MDGA2: variants seen among roughly 807,000 people sequenced by gnomAD.
MDGA2 encodes MAM domain containing glycosylphosphatidylinositol anchor 2, also known as MAM domain-containing glycosylphosphatidylinositol anchor protein 2.
A neutral mutation model predicts 117.8 loss-of-function variants in MDGA2; 40 were observed. That is an observed-to-expected ratio of 0.34 (90% CI 0.26 to 0.44). The LOEUF (loss-of-function observed/expected upper bound fraction) is 0.44. Among genes scored for constraint, MDGA2 ranks in the 20% least tolerant of loss-of-function variants. MDGA2 has a pLI of 1.00. For missense variants in MDGA2, 1,123 were observed against 1,250.6 expected, an observed-to-expected ratio of 0.90 and a Z score of 1.54; for synonymous variants, 452 against 439.0, an observed-to-expected ratio of 1.03 and a Z score of -0.37.
chr14:47,485,925 G>T (rs2138643596), intron 1 of MDGA2, among the ~76,000 whole-genome samples: 1 of 152,312 alleles, frequency 6.6e-6, no homozygotes, highest in Admixed American at 6.5e-5. Flanking sequence ...GGCAGGGAGG[G>T]CTCTCATGGA....
chr14:47,117,289 G>A (rs1455831723), intron 5 of MDGA2, among the ~76,000 whole-genome samples: 2 of 152,156 alleles, frequency 1.3e-5, no homozygotes, highest in Non-Finnish European at 2.9e-5. Flanking sequence ...GAAACTGGAA[G>A]CTTCGTGCAA....
At chr14:47,522,318 T>A (rs926154458) in intron 1 of MDGA2, among the ~76,000 whole-genome samples, 2 of 147,346 alleles carry the variant, frequency 1.4e-5, no homozygotes, top group African/African-American at 5.0e-5. Flanking sequence ...TATATATATG[T>A]ATATATTTGT....
chr14:46,877,217 G>A lies in MDGA2; in HGVS notation c.2437+272C>T, dbSNP rs193147727. 2.2e-3 allele frequency among the ~76,000 whole-genome samples: 339 copies of A among 151,618 alleles called. 1 individual carries two copies. Among genetic ancestry groups the A allele is most frequent in the African/African-American group, 7.8e-3 (323 of 41,482 alleles). On this transcript the variant is annotated intron_variant, in intron 12 of 16. Transcript: ENST00000399232. ...AGAAAAAAATAATCCCACAGCTGCA[G>A]AAATAGCAAATATTAAGCAGGTTGG... is the stretch of plus-strand genomic sequence containing the variant.
intron 1 of MDGA2, among the ~76,000 whole-genome samples, chr14:47,332,800 G>GC (rs1371665473): frequency 1.3e-5 from 2 of 151,488 alleles, no homozygotes; most frequent in African/African-American, 2.4e-5. Flanking sequence ...CTCAGCCCTC[G>GC]CCCCCTCCCA....
chr14:46,895,515 C>CAGGAGTTCAAGACGAG (rs1883040455), intron 10 of MDGA2, among the ~76,000 whole-genome samples: 1 of 152,096 alleles, frequency 6.6e-6, no homozygotes, highest in Non-Finnish European at 1.5e-5. Flanking sequence ...CACCTGAGGT[C>CAGGAGTTCAAGACGAG]AGGAGTTCAA....
intron 16 of MDGA2, 57 bp from the exon 17 acceptor site, chr14:46,842,076 T>A (rs988382188): frequency 3.5e-6 from 4 of 1,133,812 alleles, no homozygotes; most frequent in Non-Finnish European, 5.3e-6. Context: ...GCATTCCACG[T>A]AGCTACTAAC....
Position 46,920,139 on chromosome 14 carries a change from A to C in MDGA2, c.2111T>G (p.Phe704Cys). Residue 704 changes from phenylalanine to cysteine, a missense_variant, in exon 10 of 17, where the codon TTC becomes TGC. By Grantham distance (205) the Phe-to-Cys change is radical. Around this residue, in one of 2 missense-constraint regions of MDGA2, gnomAD observed 890 missense variants for 1,050.3 expected, o/e 0.85. Transcript: ENST00000399232. ...LVTGKAYAPE[F>C]YYDTYNPVWQ... ...TACTGGATTGTAGGTATCATAATAG[A>C]ATTCTGGAGCATAGGCCTTTCCTGA... 1 of 1,609,030 alleles carries C rather than the reference A, an allele frequency of 6.2e-7. No homozygotes were observed. The highest frequency in any genetic ancestry group is 1.1e-5 in the South Asian group (1 of 89,484).
intron 6 of MDGA2, among the ~76,000 whole-genome samples, chr14:47,064,407 A>G (rs1408053416): frequency 6.6e-6 from 1 of 152,112 alleles, no homozygotes; most frequent in Non-Finnish European, 1.5e-5. Flanking sequence ...CCCTCTAACA[A>G]AATAACATAA....
At chr14:47,010,787 T>C (rs1003046680) in intron 8 of MDGA2, among the ~76,000 whole-genome samples, 1 of 152,072 alleles carries the variant, frequency 6.6e-6, no homozygotes, top group Non-Finnish European at 1.5e-5. Flanking sequence ...AACAATTGCA[T>C]AGAAATGTCT....
rs768567195 is a variant in MDGA2 at position 46,957,704 on chromosome 14, T to C, written c.1820-61A>G. 1,010 of 1,583,144 alleles carry C rather than the reference T, an allele frequency of 6.4e-4. 2 individuals carry two copies. Among genetic ancestry groups the C allele is most frequent in the Middle Eastern group, 2.4e-3 (14 of 5,794 alleles). On this transcript the variant is annotated intron_variant, in intron 8 of 16. Coordinates refer to ENST00000399232, the MANE Select transcript of MDGA2 (RefSeq NM_001113498.3). ...TGACTTGCAATAAGCCAAAAGCTAC[T>C]CTTATTAGAAGAAGCCATTTGCAGT...
chr14:46,904,428 T>C lies in MDGA2; in HGVS notation c.2238+15584A>G, dbSNP rs573508232. ...GAAATTATAATTCGTATGGCCATTA[T>C]TATTGATACTGGCATTAATAGCAGA... On this transcript the variant is annotated intron_variant, in intron 10 of 16. Transcript: ENST00000399232. 5.9e-5 allele frequency among the ~76,000 whole-genome samples: 9 copies of C among 152,106 alleles called. 1 individual carries two copies. The highest frequency in any genetic ancestry group is 1.9e-4 in the African/African-American group (8 of 41,516).
chr14:47,104,775 C>T (rs1880551921), intron 5 of MDGA2, among the ~76,000 whole-genome samples: 1 of 152,160 alleles, frequency 6.6e-6, no homozygotes, highest in African/African-American at 2.4e-5. Flanking sequence ...CCTACGACCT[C>T]AGGTCCTCAG....
intron 14 of MDGA2, among the ~76,000 whole-genome samples, chr14:46,856,453 T>C (rs1395079400): frequency 6.6e-6 from 1 of 152,108 alleles, no homozygotes; most frequent in East Asian, 1.9e-4. Flanking sequence ...CTCTGTAGTT[T>C]ATCTTCCCAG....
chr14:46,901,117 TACAC>T (rs1195961754), intron 10 of MDGA2, among the ~76,000 whole-genome samples: 1 of 140,528 alleles, frequency 7.1e-6, no homozygotes, highest in African/African-American at 2.7e-5. Context: ...CATGAATACT[TACAC>T]ACAAACTTGT....
At chr14:47,474,132 C>T (rs1179403108) in intron 1 of MDGA2, among the ~76,000 whole-genome samples, 1 of 152,108 alleles carries the variant, frequency 6.6e-6, no homozygotes, top group East Asian at 1.9e-4. Context: ...CTTCAGCAAA[C>T]TCTCAGGATA....
At chr14:46,849,956 A>C (rs2138284495) in intron 15 of MDGA2, among the ~76,000 whole-genome samples, 1 of 152,034 alleles carries the variant, frequency 6.6e-6, no homozygotes, top group East Asian at 1.9e-4. Context: ...GGTCTCCTAA[A>C]AGAGGGATAA....
intron 3 of MDGA2, among the ~76,000 whole-genome samples, chr14:47,197,028 T>C (rs1220497108): frequency 1.3e-5 from 2 of 152,234 alleles, no homozygotes; most frequent in Non-Finnish European, 2.9e-5. Flanking sequence ...TAGTATTCCA[T>C]GCTGTATATG....
intron 1 of MDGA2, among the ~76,000 whole-genome samples, chr14:47,651,331 GA>G (rs928902206): frequency 1.3e-5 from 2 of 151,868 alleles, no homozygotes; most frequent in African/African-American, 4.8e-5. Flanking sequence ...GACATTTTCG[GA>G]GCAATGGATA....
intron 8 of MDGA2, among the ~76,000 whole-genome samples, chr14:47,018,839 A>T (rs1051602487): frequency 8.0e-6 from 1 of 125,660 alleles, no homozygotes; most frequent in Non-Finnish European, 1.8e-5. Context: ...ATACCTATTG[A>T]TGCTGTTGAA....
Sources: gnomAD v4.1 joint callset for allele counts (sites outside exome capture counted in the v4.1 genomes callset) on GRCh38, gnomAD v4.1.1 for gene constraint, gnomAD v4.1.1 regional missense constraint, MANE v1.5 for transcripts, NCBI Gene and HGNC (gene_info 2026-07-23, HGNC 2026-07-21) for gene names.